C16orf89: variants seen among roughly 807,000 people sequenced by gnomAD.
C16orf89 encodes the protein UPF0764 protein C16orf89.
A neutral mutation model predicts 41.5 loss-of-function variants in C16orf89; 57 were observed. The ratio of observed to expected loss-of-function variants is 1.38; its 90% CI spans 1.11 to 1.71. C16orf89 has a LOEUF of 1.71. Ranked by LOEUF, C16orf89 falls within the 40% of genes most tolerant of loss-of-function variation. The pLI, the probability that C16orf89 is intolerant of heterozygous loss-of-function variation, is 0.00. For synonymous variants in C16orf89, 223 were observed against 190.6 expected (o/e 1.17, Z -1.40); for missense variants, 575 against 445.9 (o/e 1.29, Z -2.61).
At chr16:5,044,858 TG>T in intron 7 of C16orf89, 12 of 1,246,574 alleles carry the variant, frequency 9.6e-6, no homozygotes, top group Non-Finnish European at 1.2e-5. Flanking sequence ...AAAAAAAAAG[TG>T]CTTTTCAGAT....
intron 6 of C16orf89, 58 bp from the exon 7 acceptor site, chr16:5,048,022 ATTTC>A: frequency 2.1e-6 from 2 of 953,678 alleles, no homozygotes; most frequent in Admixed American, 4.2e-5. Flanking sequence ...TTACATTTTT[ATTTC>A]TTTTTACTGC....
At chr16:5,044,825 C>A in intron 7 of C16orf89, 1 of 1,237,432 alleles carries the variant, frequency 8.1e-7, no homozygotes, top group Non-Finnish European at 1.0e-6. Flanking sequence ...GCCTGAGCAA[C>A]AGAGCGAGAA....
chr16:5,054,029 A>G lies in C16orf89; in HGVS notation c.868+1217T>C, dbSNP rs139070636. ...TAATAAAGCCAAAAATGCAAGTTCC[A>G]CAGCCCCATCCCCAACCCGCCGAAG... On this transcript the variant is annotated intron_variant, in intron 6 of 7. Coordinates refer to ENST00000472572, the MANE Select transcript of C16orf89 (RefSeq NM_001098514.3). 3.7e-3 allele frequency among the ~76,000 whole-genome samples: 563 copies of G among 152,326 alleles called. 3 individuals are homozygous for G. The highest frequency in any genetic ancestry group is 0.013 in the African/African-American group (531 of 41,572).
intron 2 of C16orf89, 71 bp from the exon 3 acceptor site, chr16:5,060,507 C>G: frequency 2.1e-6 from 3 of 1,451,876 alleles, no homozygotes; most frequent in Non-Finnish European, 2.8e-6. Flanking sequence ...CCCTGGTGTC[C>G]CCACCTCCTC....
intron 7 of C16orf89, among the ~76,000 whole-genome samples, chr16:5,046,500 A>C (rs1253731851): frequency 6.6e-6 from 1 of 151,826 alleles, no homozygotes; most frequent in Non-Finnish European, 1.5e-5. Flanking sequence ...ACAGGCATGC[A>C]CCACCACGCC....
chr16:5,058,163 C>G (rs1596699005), intron 4 of C16orf89, among the ~76,000 whole-genome samples: 1 of 151,910 alleles, frequency 6.6e-6, no homozygotes, highest in African/African-American at 2.4e-5. Flanking sequence ...AGTCTTAGTC[C>G]ATTGCCTGGG....
chr16:5,046,329 T>C (rs1956296502), intron 7 of C16orf89, among the ~76,000 whole-genome samples: 1 of 151,550 alleles, frequency 6.6e-6, no homozygotes, highest in African/African-American at 2.4e-5. Flanking sequence ...CACTTATTTA[T>C]TTTTTATTTT....
chr16:5,046,077 G>C (rs575690937), intron 7 of C16orf89, among the ~76,000 whole-genome samples: 5 of 152,254 alleles, frequency 3.3e-5, no homozygotes, highest in African/African-American at 1.2e-4. Flanking sequence ...GGCCTAGCTA[G>C]GGTAGGACCT....
intron 7 of C16orf89, among the ~76,000 whole-genome samples, chr16:5,046,222 G>A (rs910848337): frequency 2.0e-5 from 3 of 152,228 alleles, no homozygotes; most frequent in African/African-American, 7.2e-5. Flanking sequence ...CAGTGGGGTT[G>A]ATGGAGAGAT....
chr16:5,060,612 G>C (rs1956597906), intron 2 of C16orf89, among the ~76,000 whole-genome samples, 176 bp from the exon 3 acceptor site: 1 of 152,114 alleles, frequency 6.6e-6, no homozygotes, highest in Non-Finnish European at 1.5e-5. Flanking sequence ...AGCTCCTTTT[G>C]CTTATAAAAC....
At chr16:5,057,735 G>T (rs1422673240) in intron 4 of C16orf89, among the ~76,000 whole-genome samples, 9 of 151,836 alleles carry the variant, frequency 5.9e-5, no homozygotes, top group Non-Finnish European at 1.0e-4. Context: ...TACCATGTTG[G>T]CCAGGCTGGT....
rs533051066 is a variant in C16orf89, at chr16:5,049,958, A to G, written c.869-1994T>C. 7.2e-5 allele frequency among the ~76,000 whole-genome samples: 11 copies of G among 152,260 alleles called. No individual in the cohort carries two copies. In the East Asian group the frequency reaches 2.1e-3, roughly 29 times the overall value. On this transcript the variant is annotated intron_variant, in intron 6 of 7. Transcript: ENST00000472572. ...CAGATAAATTATTAACTAGACTAAG[A>G]AAAAAAGAGAAAAGACTCAAGTAAA...
intron 4 of C16orf89, among the ~76,000 whole-genome samples, chr16:5,057,547 A>G (rs1956537016): frequency 6.6e-6 from 1 of 151,086 alleles, no homozygotes. Context: ...ATATATATAG[A>G]GAGCGGCATA....
chr16:5,044,495 C>G lies in C16orf89; in HGVS notation c.956-17G>C, dbSNP rs1956257995. The G allele has an allele frequency of 1.9e-6, 3 of 1,611,630 alleles. No individual in the cohort carries two copies. The East Asian group carries it at 6.7e-5, about 36-fold the overall frequency. On this transcript the variant is annotated splice_polypyrimidine_tract_variant and intron_variant, in intron 7 of 7. Transcript: ENST00000472572. ...AGCAGCCATCTAGGGGAGAGAGCCCCCATGAGTGCTGGGTGGCAAGAACCT... is the reference window on the plus strand; with the variant it reads ...AGCAGCCATCTAGGGGAGAGAGCCCGCATGAGTGCTGGGTGGCAAGAACCT...
rs550721990 is a variant in C16orf89, at chr16:5,055,766, A to G, written c.763+287T>C. ...TGTCACACAGTGGCAGGTAAAATAC[A>G]GGATGCCCAGTTACATTTGAGTTTT... On this transcript the variant is annotated intron_variant, in intron 5 of 7. Coordinates refer to ENST00000472572, the MANE Select transcript of C16orf89 (RefSeq NM_001098514.3). 6.3e-5 allele frequency: 96 copies of G among 1,519,210 alleles called. No individual in the cohort carries two copies. In the East Asian group the frequency reaches 2.0e-3, roughly 32 times the overall value. The allele number at this position is 1,519,210 out of a possible 1,614,324, so 94.1% of individuals were successfully genotyped here.
chr16:5,062,748 G>A (rs1956654843), intron 1 of C16orf89, among the ~76,000 whole-genome samples, 174 bp from the exon 2 acceptor site: 1 of 152,194 alleles, frequency 6.6e-6, no homozygotes, highest in Non-Finnish European at 1.5e-5. Context: ...GCCAGGATGG[G>A]GGTGATCTGG....
Position 5,044,493 on chromosome 16 carries a change from C to A in C16orf89, c.956-15G>T, listed in dbSNP as rs1167779880. 3 of 1,611,672 alleles carry A rather than the reference C, an allele frequency of 1.9e-6. No individual in the cohort carries two copies. The highest frequency in any genetic ancestry group is 2.5e-6 in the Non-Finnish European group (3 of 1,179,232). On this transcript the variant is annotated splice_polypyrimidine_tract_variant and intron_variant, in intron 7 of 7. Coordinates refer to ENST00000472572, the MANE Select transcript of C16orf89 (RefSeq NM_001098514.3). Reference sequence around the variant, plus strand: ...GGAGCAGCCATCTAGGGGAGAGAGCCCCCATGAGTGCTGGGTGGCAAGAAC... The same window carrying A: ...GGAGCAGCCATCTAGGGGAGAGAGCACCCATGAGTGCTGGGTGGCAAGAAC...
intron 5 of C16orf89, 94 bp downstream of exon 5, chr16:5,055,956 TGTG>T: frequency 2.0e-6 from 1 of 494,612 alleles, no homozygotes; most frequent in South Asian, 2.2e-5. Flanking sequence ...TGTGTGTGTG[TGTG>T]TGTGTGTGTG....
intron 1 of C16orf89, among the ~76,000 whole-genome samples, chr16:5,063,888 A>T (rs887496722): frequency 5.9e-5 from 9 of 152,218 alleles, no homozygotes; most frequent in African/African-American, 2.2e-4. Context: ...GCACTTTGCG[A>T]GGCCGAGGCA....
Sources: gnomAD v4.1 joint callset for allele counts (sites outside exome capture counted in the v4.1 genomes callset) on GRCh38, gnomAD v4.1.1 for gene constraint, MANE v1.5 for transcripts, NCBI Gene and HGNC (gene_info 2026-07-23, HGNC 2026-07-21) for gene names.